The following NRG3 variants were observed in gnomAD, a reference collection of about 807,000 sequenced individuals.
NRG3 encodes pro-neuregulin-3, membrane-bound isoform.
A neutral mutation model predicts 66.9 loss-of-function variants in NRG3; 31 were observed. The ratio of observed to expected loss-of-function variants is 0.46; its 90% CI spans 0.35 to 0.63. The LOEUF is 0.63. NRG3 is among the 20% of genes least tolerant of loss of function. The pLI is 0.00. For synonymous variants in NRG3, 393 were observed against 359.4 expected (o/e 1.09, Z -1.06); for missense variants, 910 against 878.9 (o/e 1.04, Z -0.45).
chr10:82,750,323 A>G (rs759006179), intron 3 of NRG3, among the ~76,000 whole-genome samples: 19 of 152,170 alleles, frequency 1.2e-4, no homozygotes, highest in Non-Finnish European at 2.5e-4. Flanking sequence ...AGCTATTATC[A>G]TCTTTATTTC....
chr10:82,108,387 A>G (rs1490415785), intron 1 of NRG3, among the ~76,000 whole-genome samples: 1 of 152,174 alleles, frequency 6.6e-6, no homozygotes, highest in Non-Finnish European at 1.5e-5. Flanking sequence ...AATGTCCTAG[A>G]TTGAACAAGT....
At chr10:81,958,971 G>T (rs1462250751) in intron 1 of NRG3, among the ~76,000 whole-genome samples, 1 of 152,170 alleles carries the variant, frequency 6.6e-6, no homozygotes, top group African/African-American at 2.4e-5. Context: ...GGGATTTCAT[G>T]GGAGTGATTA....
At chr10:82,957,744 G>T (rs1850197921) in intron 5 of NRG3, among the ~76,000 whole-genome samples, 2 of 149,940 alleles carry the variant, frequency 1.3e-5, no homozygotes, top group Admixed American at 1.3e-4. Context: ...TCTCAAATCA[G>T]TTGTGTACCT....
intron 2 of NRG3, among the ~76,000 whole-genome samples, chr10:82,405,617 A>C (rs182796869): frequency 6.6e-6 from 1 of 151,946 alleles, no homozygotes; most frequent in Non-Finnish European, 1.5e-5. Flanking sequence ...ACAGGTGTGC[A>C]TCACCCCACC....
intron 1 of NRG3, among the ~76,000 whole-genome samples, chr10:82,130,219 TTA>T (rs751173070): frequency 6.6e-5 from 10 of 151,562 alleles, no homozygotes; most frequent in East Asian, 3.9e-4. Context: ...CACTTTTTCT[TTA>T]TATATATATA....
intron 2 of NRG3, among the ~76,000 whole-genome samples, chr10:82,391,245 G>A (rs1269076885): frequency 5.9e-5 from 9 of 152,034 alleles, no homozygotes; most frequent in African/African-American, 4.8e-5. Context: ...AGTTTTGTGA[G>A]GCTTCTTTTA....
intron 2 of NRG3, among the ~76,000 whole-genome samples, chr10:82,655,721 A>G (rs1233051024): frequency 6.6e-6 from 1 of 152,216 alleles, no homozygotes; most frequent in African/African-American, 2.4e-5. Context: ...CTCAAAAACA[A>G]TCTAAAAGCT....
chr10:82,191,044 C>G (rs1029323771), intron 1 of NRG3, among the ~76,000 whole-genome samples: 3 of 152,048 alleles, frequency 2.0e-5, no homozygotes, highest in African/African-American at 7.2e-5. Flanking sequence ...ACATGTCACC[C>G]CCAGTCACTG....
rs547969630 is a variant in NRG3 at position 82,888,035 on chromosome 10, A to T, written c.1054+22598A>T. On this transcript the variant is annotated intron_variant, in intron 4 of 8. Coordinates refer to ENST00000372141, the MANE Select transcript of NRG3 (RefSeq NM_001010848.4). ...GTAATGATAAGTTTACAGATTTTTT[A>T]AAAATAGAAACATATTATGGCATCA... Among the ~76,000 whole-genome samples, 26 of 152,286 alleles carry T rather than the reference A, an allele frequency of 1.7e-4. No individual in the cohort carries two copies. The East Asian group carries it at 2.7e-3, about 16-fold the overall frequency.
chr10:82,865,502 C>T (rs1238728098), intron 4 of NRG3, 65 bp downstream of exon 4: 77 of 1,455,248 alleles, frequency 5.3e-5, no homozygotes, highest in Non-Finnish European at 7.3e-5. Flanking sequence ...GTACATAGTG[C>T]TTTCCTTCTC....
intron 4 of NRG3, among the ~76,000 whole-genome samples, chr10:82,938,335 G>A (rs1434731964): frequency 2.0e-5 from 3 of 152,186 alleles, no homozygotes; most frequent in Non-Finnish European, 4.4e-5. Flanking sequence ...GGGTTCAGTT[G>A]TTGGTGTATT....
chr10:81,903,994 ATATTT>A (rs1475610695), intron 1 of NRG3, among the ~76,000 whole-genome samples: 1,280 of 103,444 alleles, frequency 0.012, 15 homozygotes, highest in African/African-American at 0.034. Context: ...ATATATATAT[ATATTT>A]TTTTTTTTTG....
At chr10:82,630,046 A>G (rs1393778295) in intron 2 of NRG3, among the ~76,000 whole-genome samples, 1 of 152,162 alleles carries the variant, frequency 6.6e-6, no homozygotes, top group Non-Finnish European at 1.5e-5. Flanking sequence ...CTTCTTCCCC[A>G]GCAATAAAAG....
chr10:82,422,161 C>A (rs1387569096), intron 2 of NRG3, among the ~76,000 whole-genome samples: 1 of 152,058 alleles, frequency 6.6e-6, no homozygotes, highest in Admixed American at 6.6e-5. Context: ...TTCATTCAAT[C>A]AACAGAAGTT....
intron 2 of NRG3, among the ~76,000 whole-genome samples, chr10:82,680,612 G>C (rs899933352): frequency 6.6e-6 from 1 of 152,156 alleles, no homozygotes; most frequent in African/African-American, 2.4e-5. Context: ...GAAGGACCAA[G>C]ATTTCCAGGA....
At chr10:82,763,165 T>G (rs1169880969) in intron 3 of NRG3, among the ~76,000 whole-genome samples, 1 of 152,186 alleles carries the variant, frequency 6.6e-6, no homozygotes, top group African/African-American at 2.4e-5. Flanking sequence ...AGAATGAATC[T>G]TAGATTGTAT....
intron 2 of NRG3, among the ~76,000 whole-genome samples, chr10:82,377,246 A>G (rs1680713449): frequency 6.6e-6 from 1 of 152,214 alleles, no homozygotes; most frequent in African/African-American, 2.4e-5. Flanking sequence ...ATATATTTTC[A>G]TCTTCAGAAG....
intron 1 of NRG3, among the ~76,000 whole-genome samples, chr10:81,970,705 C>A (rs1418265398): frequency 6.6e-6 from 1 of 151,736 alleles, no homozygotes; most frequent in East Asian, 1.9e-4. Flanking sequence ...TATGCTAGAC[C>A]AAGGTATGGA....
intron 2 of NRG3, among the ~76,000 whole-genome samples, chr10:82,566,761 C>G (rs1197518061): frequency 6.6e-6 from 1 of 151,816 alleles, no homozygotes; most frequent in Non-Finnish European, 1.5e-5. Context: ...GATAGATTAA[C>G]TTACCAAGTA....
Sources: allele counts gnomAD v4.1 joint callset (sites outside exome capture counted in the v4.1 genomes callset), GRCh38; gene constraint gnomAD v4.1.1; transcripts MANE v1.5; gene names NCBI Gene and HGNC (gene_info 2026-07-23, HGNC 2026-07-21).